NKAIN3: variants seen among roughly 807,000 people sequenced by gnomAD.
The protein encoded by NKAIN3 is sodium/potassium-transporting ATPase subunit beta-1-interacting protein 3.
Under a neutral mutation model 30.2 loss-of-function variants are expected in NKAIN3, and 25 were observed. The ratio of observed to expected loss-of-function variants is 0.83; its 90% CI spans 0.60 to 1.16. NKAIN3 has a LOEUF of 1.16. NKAIN3 is among the 50% of genes most tolerant of loss of function. The probability of loss-of-function intolerance (pLI) is 0.00; values close to 1 mark genes in which losing one functional copy is unlikely to be tolerated. For synonymous variants in NKAIN3, 91 were observed against 89.6 expected (o/e 1.02, Z -0.09); for missense variants, 225 against 254.1 (o/e 0.89, Z 0.78).
chr8:62,692,345 G>A (rs1056723909), intron 3 of NKAIN3, among the ~76,000 whole-genome samples: 6 of 152,212 alleles, frequency 3.9e-5, no homozygotes, highest in Non-Finnish European at 8.8e-5. Flanking sequence ...CAAAGATAAT[G>A]TGTAAATATG....
chr8:62,451,396 T>G (rs17821257), intron 1 of NKAIN3, among the ~76,000 whole-genome samples: 49,955 of 151,060 alleles, frequency 0.33, 9,526 homozygotes, highest in South Asian at 0.45. Context: ...GCAAAGTCTG[T>G]GAATTCAGAT....
At chr8:62,536,385 C>T (rs904244199) in intron 1 of NKAIN3, among the ~76,000 whole-genome samples, 1 of 152,070 alleles carries the variant, frequency 6.6e-6, no homozygotes, top group African/African-American at 2.4e-5. Context: ...TTATGGAATA[C>T]CTATGGTGTG....
chr8:62,412,922 C>CAA (rs1554528190), intron 1 of NKAIN3, among the ~76,000 whole-genome samples: 2 of 79,530 alleles, frequency 2.5e-5, no homozygotes, highest in African/African-American at 1.1e-4. Flanking sequence ...AAAAAAAAAA[C>CAA]AAAAAAAAAA....
chr8:62,807,682 A>G lies in NKAIN3; in HGVS notation c.471+60553A>G, dbSNP rs143206527. 9.7e-3 allele frequency among the ~76,000 whole-genome samples: 1,456 copies of G among 150,196 alleles called. 21 individuals are homozygous for G. Among genetic ancestry groups the G allele is most frequent in the African/African-American group, 0.034 (1,377 of 41,046 alleles). ...ATTCTCCTGCCTCAGCCTCCCAAGT[A>G]GCTGGGACTACAGGTGCATGCCACC... On this transcript the variant is annotated intron_variant, in intron 4 of 6. Transcript: ENST00000623646.
At chr8:62,784,999 C>T (rs1817468861) in intron 4 of NKAIN3, among the ~76,000 whole-genome samples, 1 of 152,084 alleles carries the variant, frequency 6.6e-6, no homozygotes, top group Non-Finnish European at 1.5e-5. Flanking sequence ...AACCTTCATC[C>T]ACTGCTGGTT....
chr8:62,802,577 C>G (rs1270471464), intron 4 of NKAIN3, among the ~76,000 whole-genome samples: 1 of 152,120 alleles, frequency 6.6e-6, no homozygotes, highest in Non-Finnish European at 1.5e-5. Context: ...GAGATTTTGT[C>G]ACCACCAGGC....
At chr8:62,712,832 C>T (rs1488532859) in intron 3 of NKAIN3, among the ~76,000 whole-genome samples, 3 of 152,194 alleles carry the variant, frequency 2.0e-5, no homozygotes, top group African/African-American at 4.8e-5. Flanking sequence ...CCTGGCCACT[C>T]TCCTGACAGA....
chr8:62,814,575 A>T (rs56341071), intron 4 of NKAIN3, among the ~76,000 whole-genome samples: 2,898 of 152,150 alleles, frequency 0.019, 108 homozygotes, highest in African/African-American at 0.066. Context: ...GGATTAAGAA[A>T]CTCACTCAAA....
At chr8:62,602,719 G>A (rs932454782) in intron 3 of NKAIN3, among the ~76,000 whole-genome samples, 1 of 152,058 alleles carries the variant, frequency 6.6e-6, no homozygotes, top group African/African-American at 2.4e-5. Context: ...AGATTATGCT[G>A]GAGGGTTTGA....
At chr8:62,990,476 A>G (rs1824300188) in intron 5 of NKAIN3, 1 of 605,878 alleles carries the variant, frequency 1.7e-6, no homozygotes, top group South Asian at 8.2e-5. Context: ...ATAAAATGTT[A>G]TAAATTATCT....
At chr8:62,689,945 AAAATAAATAAATAAAT>A (rs77511780) in intron 3 of NKAIN3, among the ~76,000 whole-genome samples, 85 of 145,542 alleles carry the variant, frequency 5.8e-4, no homozygotes, top group African/African-American at 1.4e-3. Context: ...CACCGCACTG[AAAATAAATAAATAAAT>A]AAATAAATAA....
At chr8:62,318,164 TAAG>T (rs1342766935) in intron 1 of NKAIN3, among the ~76,000 whole-genome samples, 1 of 152,228 alleles carries the variant, frequency 6.6e-6, no homozygotes, top group Non-Finnish European at 1.5e-5. Flanking sequence ...CCTATCAGCT[TAAG>T]GAGATTTTGG....
intron 1 of NKAIN3, among the ~76,000 whole-genome samples, chr8:62,419,582 C>G (rs999992906): frequency 6.6e-6 from 1 of 152,134 alleles, no homozygotes; most frequent in Non-Finnish European, 1.5e-5. Flanking sequence ...GTTGTACATT[C>G]AGTAGTGACA....
intron 1 of NKAIN3, among the ~76,000 whole-genome samples, chr8:62,257,022 A>T (rs570852108): frequency 6.6e-6 from 1 of 152,206 alleles, no homozygotes; most frequent in Non-Finnish European, 1.5e-5. Flanking sequence ...TGATGTTTTG[A>T]TATATGCATA....
chr8:62,899,546 A>T (rs1002973403), intron 4 of NKAIN3, among the ~76,000 whole-genome samples: 1 of 152,096 alleles, frequency 6.6e-6, no homozygotes, highest in African/African-American at 2.4e-5. Flanking sequence ...AATCAAACTC[A>T]TGGAGATAGA....
chr8:62,848,161 G>A (rs553416826), intron 4 of NKAIN3, among the ~76,000 whole-genome samples: 24 of 152,158 alleles, frequency 1.6e-4, no homozygotes, highest in African/African-American at 5.5e-4. Context: ...GGTTATTTTG[G>A]CTCTTTTCTG....
chr8:62,746,555 C>A (rs1169160040), intron 3 of NKAIN3, among the ~76,000 whole-genome samples: 3 of 152,144 alleles, frequency 2.0e-5, no homozygotes, highest in Non-Finnish European at 4.4e-5. Context: ...GCCATAAAAG[C>A]ATTCAACAAT....
At chr8:62,988,690 C>G (rs1159871399), downstream of NKAIN3, among the ~76,000 whole-genome samples, 9 of 152,252 alleles carry the variant, frequency 5.9e-5, no homozygotes, top group African/African-American at 2.2e-4. Flanking sequence ...TTCTAGGCCT[C>G]TGGGCCTGTG....
At chr8:62,318,915 C>G (rs1402581632) in intron 1 of NKAIN3, among the ~76,000 whole-genome samples, 5 of 152,070 alleles carry the variant, frequency 3.3e-5, no homozygotes, top group Non-Finnish European at 5.9e-5. Context: ...ATGGTACCAG[C>G]TCCTCCTTGT....
Sources: allele counts gnomAD v4.1 joint callset (sites outside exome capture counted in the v4.1 genomes callset), GRCh38; gene constraint gnomAD v4.1.1; transcripts MANE v1.5; gene names NCBI Gene and HGNC (gene_info 2026-07-23, HGNC 2026-07-21).